CELF2: variants seen among roughly 807,000 people sequenced by gnomAD.
CELF2 encodes the protein CUG triplet repeat RNA-binding protein 2.
A neutral mutation model predicts 62.6 loss-of-function variants in CELF2; 8 were observed. The observed-to-expected ratio is 0.13, with a 90% CI of 0.07 to 0.23. The LOEUF is 0.23. Ranked by LOEUF, CELF2 falls within the 10% of genes least tolerant of loss-of-function variation. CELF2 has a pLI of 1.00. For missense variants in CELF2, 333 were observed against 671.0 expected (o/e 0.50, Z 5.56); for synonymous variants, 258 against 250.0 (o/e 1.03, Z -0.30).
chr10:10,785,960 C>T, the CELF2 span, among the ~76,000 whole-genome samples: 2 of 152,160 alleles, frequency 1.3e-5, no homozygotes, highest in South Asian at 4.2e-4. Flanking sequence ...TTCCACAATG[C>T]ATACATATAT....
chr10:11,059,554 T>C (rs538859569), intron 1 of CELF2, among the ~76,000 whole-genome samples: 94 of 152,360 alleles, frequency 6.2e-4, no homozygotes, highest in South Asian at 1.4e-3. Flanking sequence ...ACATATCCCA[T>C]GTGACTGCTC....
At chr10:10,687,969 A>T in the CELF2 span, among the ~76,000 whole-genome samples, 4 of 152,366 alleles carry the variant, frequency 2.6e-5, no homozygotes, top group Non-Finnish European at 5.9e-5. Context: ...ATTCAAGCAT[A>T]CAAAGCCTTA....
At chr10:11,100,984 C>G (rs1012494476) in intron 1 of CELF2, among the ~76,000 whole-genome samples, 8 of 152,132 alleles carry the variant, frequency 5.3e-5, no homozygotes, top group Admixed American at 1.3e-4. Context: ...TTGGGGCTGT[C>G]TAGTTAGATT....
rs375360360 is a variant in CELF2 at position 11,321,915 on chromosome 10, T to C, written c.1294+529T>C. On this transcript the variant is annotated intron_variant, in intron 11 of 12. Coordinates refer to ENST00000633077, the MANE Select transcript of CELF2 (RefSeq NM_001326342.2). The surrounding 1 kb of genome is among the most constrained non-coding windows in gnomAD (Gnocchi z 6.2). Reference sequence around the variant, plus strand: ...CTCTGCAGATCTAAGTCCAGGAAAGTTGATCACCTTTCTTGCAATCCCCAA... The same window carrying C: ...CTCTGCAGATCTAAGTCCAGGAAAGCTGATCACCTTTCTTGCAATCCCCAA... Among the ~76,000 whole-genome samples the C allele has an allele frequency of 4.6e-5, 7 of 152,338 alleles. No individual in the cohort carries two copies. The South Asian group carries it at 8.3e-4, about 18-fold the overall frequency.
At chr10:11,114,057 C>G (rs1049814281) in intron 1 of CELF2, among the ~76,000 whole-genome samples, 8 of 152,080 alleles carry the variant, frequency 5.3e-5, no homozygotes, top group African/African-American at 1.9e-4. Flanking sequence ...AAATCCAATT[C>G]TGGGAAATGC....
intron 3 of CELF2, among the ~76,000 whole-genome samples, chr10:11,240,871 C>T (rs2073608860): frequency 6.6e-6 from 1 of 152,204 alleles, no homozygotes; most frequent in African/African-American, 2.4e-5. Context: ...TACACCACAA[C>T]TGTGTGGATG....
chr10:10,775,307 ACTGGGGCT>A, the CELF2 span, among the ~76,000 whole-genome samples: 2 of 152,176 alleles, frequency 1.3e-5, no homozygotes, highest in African/African-American at 2.4e-5. Context: ...GCAAGGAGGC[ACTGGGGCT>A]CTGGGATGGT....
At chr10:10,529,991 G>A in the CELF2 span, among the ~76,000 whole-genome samples, 1 of 152,164 alleles carries the variant, frequency 6.6e-6, no homozygotes. Context: ...CTGATGCCCA[G>A]ATGGGAGATG....
At chr10:10,933,890 T>A (rs1268034615) in intron 2 of CELF2, among the ~76,000 whole-genome samples, 2 of 152,234 alleles carry the variant, frequency 1.3e-5, no homozygotes, top group African/African-American at 2.4e-5. Context: ...TTGTGGATAA[T>A]GGTGCCATGA....
At position 11,207,042 on chromosome 10, in the gene CELF2, A is replaced by G. The variant is rs968413669; in HGVS notation, c.272-10383A>G. On this transcript the variant is annotated intron_variant, in intron 2 of 12. Coordinates refer to ENST00000633077, the MANE Select transcript of CELF2 (RefSeq NM_001326342.2). This position sits in a 1 kb window ranked among gnomAD's most constrained non-coding sequence, Gnocchi z 4.1. ...TATTAGACAATTGAAATGGTTTAAC[A>G]TAAGTGTCTTATTTCAAAGAACCAG... Among the ~76,000 whole-genome samples the G allele has an allele frequency of 5.9e-5, 9 of 152,384 alleles. No homozygotes were observed. Among genetic ancestry groups the G allele is most frequent in the African/African-American group, 1.9e-4 (8 of 41,594 alleles).
In CELF2 at chr10:10,948,628, G is replaced by GC. The variant is rs542164466; in HGVS notation, c.89+28635dup. On this transcript the variant is annotated intron_variant, in intron 2 of 13. Transcript: ENST00000636488. The stretch of plus-strand genomic sequence containing the variant: ...GTTCAGGAAGCCAAGGCTACATGAA[G>GC]CCCCCCTAGGCTGGGAGGGCTGCCT... Among the ~76,000 whole-genome samples the GC allele has an allele frequency of 8.0e-4, 122 of 152,242 alleles. 1 individual carries two copies. The highest frequency in any genetic ancestry group is 2.8e-3 in the African/African-American group (118 of 41,532).
chr10:10,634,211 T>C, the CELF2 span, among the ~76,000 whole-genome samples: 2 of 152,164 alleles, frequency 1.3e-5, no homozygotes, highest in Non-Finnish European at 2.9e-5. Flanking sequence ...TTTATTTCTT[T>C]AAGTTTTCTT....
In CELF2 at chr10:10,936,213, G is replaced by T. The variant is rs535112757; in HGVS notation, c.89+16214G>T. On this transcript the variant is annotated intron_variant, in intron 2 of 13. Coordinates refer to the CELF2 transcript ENST00000636488. The surrounding 1 kb of genome is among the most constrained non-coding windows in gnomAD (Gnocchi z 4.0). ...GAGAGAGAAAAGAAAGAAACAATAA[G>T]TCTTGCAGAGGTTAGAAAGAAGGTA... is the stretch of plus-strand genomic sequence containing the variant. Among the ~76,000 whole-genome samples the T allele has an allele frequency of 6.6e-6, 1 of 152,166 alleles. No homozygotes were observed. The highest frequency in any genetic ancestry group is 6.5e-5 in the Admixed American group (1 of 15,268).
the CELF2 span, among the ~76,000 whole-genome samples, chr10:10,630,415 C>A: frequency 1.3e-5 from 2 of 152,090 alleles, no homozygotes; most frequent in Non-Finnish European, 2.9e-5. Flanking sequence ...ATCCTTACAC[C>A]CACCATCTGG....
chr10:11,253,542 C>A (rs577708638), intron 4 of CELF2, among the ~76,000 whole-genome samples: 1 of 152,338 alleles, frequency 6.6e-6, no homozygotes, highest in East Asian at 1.9e-4. Context: ...TAATTAAATG[C>A]CATATGTTAG....
chr10:10,764,158 C>T, the CELF2 span, among the ~76,000 whole-genome samples: 1 of 152,184 alleles, frequency 6.6e-6, no homozygotes, highest in Admixed American at 6.5e-5. Context: ...TCTGGGGAGA[C>T]TAATGTGTTT....
At chr10:10,564,678 ACACG>A in the CELF2 span, among the ~76,000 whole-genome samples, 559 of 136,012 alleles carry the variant, frequency 4.1e-3, 5 homozygotes, top group Middle Eastern at 7.0e-3. Flanking sequence ...ACACACGCAC[ACACG>A]CACACACACA....
the CELF2 span, among the ~76,000 whole-genome samples, chr10:10,564,953 C>T: frequency 6.6e-6 from 1 of 152,186 alleles, no homozygotes; most frequent in South Asian, 2.1e-4. Context: ...TTCATTATGA[C>T]TCCATGAGAT....
In CELF2 at chr10:10,938,221, A is replaced by G. The variant is rs1044885887; in HGVS notation, c.89+18222A>G. On this transcript the variant is annotated intron_variant, in intron 2 of 13. Transcript: ENST00000636488. The surrounding 1 kb of genome is among the most constrained non-coding windows in gnomAD (Gnocchi z 4.2). ...GTGATGTTGATGAAAAATAGCATTC[A>G]AGTAAAGTTTACCAAGAACAACTGG... Among the ~76,000 whole-genome samples the G allele has an allele frequency of 6.6e-6, 1 of 152,218 alleles. No homozygotes were observed. Among genetic ancestry groups the G allele is most frequent in the African/African-American group, 2.4e-5 (1 of 41,444 alleles).
Sources: gnomAD v4.1 joint callset for allele counts (sites outside exome capture counted in the v4.1 genomes callset) on GRCh38, gnomAD v4.1.1 for gene constraint, Gnocchi (gnomAD v3.1) non-coding constraint, MANE v1.5 for transcripts, NCBI Gene and HGNC (gene_info 2026-07-23, HGNC 2026-07-21) for gene names.